The following FRMPD4 variants were observed in gnomAD, a reference collection of about 807,000 sequenced individuals.
FRMPD4 encodes FERM and PDZ domain-containing protein 4.
In FRMPD4, 22 loss-of-function variants were observed where a neutral mutation model predicts 94.1. That is an observed-to-expected ratio of 0.23 (90% CI 0.17 to 0.33). The LOEUF is 0.33. Ranked by LOEUF, FRMPD4 falls within the 10% of genes least tolerant of loss-of-function variation. The pLI is 1.00. For missense variants in FRMPD4, 1,111 were observed against 1,339.9 expected, an observed-to-expected ratio of 0.83 and a Z score of 2.67; for synonymous variants, 631 against 548.6, an observed-to-expected ratio of 1.15 and a Z score of -2.10.
intron 2 of FRMPD4, among the ~76,000 whole-genome samples, chrX:12,523,227 C>A (rs1015016118): frequency 2.1e-4 from 24 of 111,860 alleles, no homozygotes; most frequent in African/African-American, 7.5e-4. Context: ...TTTATAACCT[C>A]CTGCCAACCA....
intron 1 of FRMPD4, among the ~76,000 whole-genome samples, chrX:11,844,097 C>T (rs948291902): frequency 3.8e-5 from 4 of 104,752 alleles, no homozygotes; most frequent in African/African-American, 7.0e-5. Flanking sequence ...AAGAGATTCT[C>T]GTGCCTCAGC....
At chrX:12,607,903 G>C (rs925971338) in intron 2 of FRMPD4, among the ~76,000 whole-genome samples, 1 of 112,373 alleles carries the variant, frequency 8.9e-6, no homozygotes, top group African/African-American at 3.2e-5. Flanking sequence ...CTTAGGAGTT[G>C]TCATTGATCT....
At chrX:12,051,625 T>C (rs146988376) in intron 3 of FRMPD4, among the ~76,000 whole-genome samples, 3 of 112,200 alleles carry the variant, frequency 2.7e-5, no homozygotes, top group Non-Finnish European at 5.6e-5. Context: ...TTTCTTTGCA[T>C]TGCATTTGAA....
At chrX:12,436,250 C>T (rs187294787) in intron 1 of FRMPD4, among the ~76,000 whole-genome samples, 1 of 111,623 alleles carries the variant, frequency 9.0e-6, no homozygotes, top group African/African-American at 3.3e-5. Flanking sequence ...AGTGATCCAC[C>T]CACCTCAGCC....
intron 2 of FRMPD4, among the ~76,000 whole-genome samples, chrX:12,578,858 A>T (rs2148373707): frequency 1.8e-5 from 2 of 112,052 alleles, no homozygotes; most frequent in South Asian, 7.4e-4. Flanking sequence ...ATCTGTGTCT[A>T]TGTATGCATG....
At chrX:12,266,281 T>C (rs186960249) in intron 1 of FRMPD4, among the ~76,000 whole-genome samples, 31 of 110,050 alleles carry the variant, frequency 2.8e-4, no homozygotes, top group African/African-American at 1.0e-3. Context: ...CACCCCAATC[T>C]CAATGGCATA....
intron 1 of FRMPD4, among the ~76,000 whole-genome samples, chrX:12,275,995 C>G (rs930824014): frequency 9.0e-5 from 10 of 111,569 alleles, no homozygotes; most frequent in Admixed American, 3.8e-4. Context: ...AGTTCAGGAT[C>G]CATGTCTTGT....
intron 1 of FRMPD4, among the ~76,000 whole-genome samples, chrX:12,464,524 T>A (rs1043583397): frequency 3.1e-4 from 35 of 112,047 alleles, no homozygotes; most frequent in Non-Finnish European, 2.4e-4. Flanking sequence ...TGAAACAGAT[T>A]TTCTTTGAAG....
intron 1 of FRMPD4, among the ~76,000 whole-genome samples, chrX:11,853,909 C>T (rs750133091): frequency 1.8e-5 from 2 of 112,306 alleles, no homozygotes; most frequent in East Asian, 2.8e-4. Flanking sequence ...GATACCCAAA[C>T]CTGGCAGAGA....
At chrX:11,959,203 A>G (rs1218568300) in intron 3 of FRMPD4, among the ~76,000 whole-genome samples, 1 of 112,358 alleles carries the variant, frequency 8.9e-6, no homozygotes, top group East Asian at 2.8e-4. Context: ...GGAGAGCTTT[A>G]TTTCTTATAA....
At chrX:12,423,366 C>CTT (rs1601927640) in intron 1 of FRMPD4, among the ~76,000 whole-genome samples, 3 of 111,968 alleles carry the variant, frequency 2.7e-5, no homozygotes, top group Admixed American at 1.9e-4. Flanking sequence ...TTGTTCAAAA[C>CTT]TTGACCCTAA....
chrX:11,833,827 C>T (rs1351033609), intron 1 of FRMPD4, among the ~76,000 whole-genome samples: 1 of 111,483 alleles, frequency 9.0e-6, no homozygotes, highest in Non-Finnish European at 1.9e-5. Flanking sequence ...AGTGAAGCCT[C>T]ACTGCAGATC....
intron 1 of FRMPD4, among the ~76,000 whole-genome samples, chrX:12,331,862 TATATTTATATACTATATATAAATTATATA>T (rs1440961550): frequency 2.1e-5 from 1 of 48,313 alleles, no homozygotes; most frequent in Non-Finnish European, 3.1e-5. Flanking sequence ...ATAAATTATA[TATATTTATATACTATATATAAATTATATA>T]TATTTATATA....
intron 1 of FRMPD4, among the ~76,000 whole-genome samples, chrX:12,193,776 AAGGAAGG>A (rs1569186466): frequency 5.1e-4 from 10 of 19,754 alleles, no homozygotes; most frequent in Admixed American, 3.2e-3. Flanking sequence ...GAAAGAAAGG[AAGGAAGG>A]AAGGAAGGAA....
At chrX:12,592,426 TATC>T (rs773967826) in intron 2 of FRMPD4, among the ~76,000 whole-genome samples, 19 of 112,112 alleles carry the variant, frequency 1.7e-4, no homozygotes, top group East Asian at 5.6e-4. Flanking sequence ...CGAGGAAAGG[TATC>T]ATTACCTTTC....
intron 3 of FRMPD4, among the ~76,000 whole-genome samples, chrX:11,927,965 A>ACAAC (rs757300126): frequency 1.7e-4 from 19 of 112,378 alleles, no homozygotes; most frequent in African/African-American, 6.1e-4. Context: ...GAGTAAACAG[A>ACAAC]CAACCTACAG....
intron 2 of FRMPD4, among the ~76,000 whole-genome samples, chrX:12,595,777 T>G (rs2059025456): frequency 8.9e-6 from 1 of 112,269 alleles, no homozygotes; most frequent in Non-Finnish European, 1.9e-5. Context: ...AACTCCAGTC[T>G]GTGTTAGAGT....
At chrX:12,503,194 G>A (rs963519962) in intron 2 of FRMPD4, among the ~76,000 whole-genome samples, 1 of 111,891 alleles carries the variant, frequency 8.9e-6, no homozygotes, top group African/African-American at 3.2e-5. Flanking sequence ...CCAAGTTAGA[G>A]TCTGGGGATA....
intron 1 of FRMPD4, among the ~76,000 whole-genome samples, chrX:12,457,481 C>T (rs2057346163): frequency 9.0e-6 from 1 of 111,484 alleles, no homozygotes; most frequent in South Asian, 3.8e-4. Context: ...TGTTGAATCA[C>T]CTCTCATTTA....
Sources: allele counts gnomAD v4.1 joint callset (sites outside exome capture counted in the v4.1 genomes callset), GRCh38; gene constraint gnomAD v4.1.1; transcripts MANE v1.5; gene names NCBI Gene and HGNC (gene_info 2026-07-23, HGNC 2026-07-21).